Variants in RGS22 observed in about 807,000 individuals in gnomAD.
RGS22 encodes regulator of G protein signaling 22, also known as regulator of G-protein signaling 22.
In RGS22, 148 loss-of-function variants were observed where a neutral mutation model predicts 172.9. The observed-to-expected ratio is 0.86, with a 90% confidence interval of 0.75 to 0.98. The LOEUF (loss-of-function observed/expected upper bound fraction) is 0.98. Among genes scored for constraint, RGS22 ranks in the 50% least tolerant of loss-of-function variants. The pLI is 0.00. For missense variants in RGS22, 1,347 were observed against 1,440.8 expected (o/e 0.93, Z 1.05); for synonymous variants, 458 against 480.2 (o/e 0.95, Z 0.60).
chr8:100,066,837 T>C (rs966207662), intron 6 of RGS22, among the ~76,000 whole-genome samples: 3 of 152,224 alleles, frequency 2.0e-5, no homozygotes, highest in Non-Finnish European at 2.9e-5. Context: ...TTTGCTTAGA[T>C]TGAATGCTTC....
At chr8:99,974,252 T>G (rs1811680568) in intron 23 of RGS22, among the ~76,000 whole-genome samples, 1 of 152,170 alleles carries the variant, frequency 6.6e-6, no homozygotes, top group South Asian at 2.1e-4. Context: ...TTTCATGAAG[T>G]AACCCAAAAG....
intron 23 of RGS22, among the ~76,000 whole-genome samples, chr8:99,968,265 A>C (rs58298312): frequency 0.027 from 4,081 of 152,252 alleles, 169 homozygotes; most frequent in African/African-American, 0.088. Context: ...TAAATCCATG[A>C]AGATGAGGAA....
chr8:100,062,877 A>G lies in RGS22; in HGVS notation c.1353-125T>C, dbSNP rs545534145. 5.7e-5 allele frequency: 43 copies of G among 748,296 alleles called. 1 individual carries two copies. The South Asian group carries it at 6.9e-4, about 12-fold the overall frequency. 46.4% of individuals were successfully genotyped at this position (748,296 alleles called of 1,614,324 possible). On this transcript the variant is annotated intron_variant, in intron 8 of 27. Coordinates refer to ENST00000360863, the MANE Select transcript of RGS22 (RefSeq NM_015668.5). ...GACTTTCCTAAAACAGGGTTCTCTT[A>G]AGGTTCTTCAACTTACAGTAATCTA...
chr8:100,093,120 T>C, intron 3 of RGS22: 1 of 189,656 alleles, frequency 5.3e-6, no homozygotes, highest in Middle Eastern at 2.2e-3. Flanking sequence ...GCCATGATCA[T>C]ACCACTGCAT....
chr8:100,004,135 A>G, intron 16 of RGS22, 37 bp from the exon 17 acceptor site: 2 of 1,540,002 alleles, frequency 1.3e-6, no homozygotes, highest in South Asian at 2.5e-5. Flanking sequence ...AATCTCTTAA[A>G]CACAACAGAT....
At chr8:99,965,259 C>A in intron 24 of RGS22, 76 bp downstream of exon 24, 2 of 940,822 alleles carry the variant, frequency 2.1e-6, no homozygotes, top group South Asian at 2.8e-5. Context: ...TAGTACTGTA[C>A]AATGACTGAG....
At chr8:100,064,916 A>C (rs1318825253) in intron 7 of RGS22, among the ~76,000 whole-genome samples, 1 of 152,180 alleles carries the variant, frequency 6.6e-6, no homozygotes, top group Non-Finnish European at 1.5e-5. Context: ...AAACTTACAA[A>C]ATGGCACGAG....
chr8:100,007,373 C>A (rs925550380), intron 15 of RGS22, among the ~76,000 whole-genome samples: 3 of 152,086 alleles, frequency 2.0e-5, no homozygotes, highest in Admixed American at 6.5e-5. Flanking sequence ...TTGCCTCCAC[C>A]CGTTAATAAA....
chr8:99,992,801 A>T (rs1009870874), intron 20 of RGS22, among the ~76,000 whole-genome samples: 1 of 152,234 alleles, frequency 6.6e-6, no homozygotes, highest in African/African-American at 2.4e-5. Context: ...ACTCCAAATC[A>T]ACAGAATATA....
chr8:100,048,217 T>C (rs1264577339), intron 10 of RGS22, among the ~76,000 whole-genome samples: 6 of 152,126 alleles, frequency 3.9e-5, no homozygotes, highest in Non-Finnish European at 7.4e-5. Context: ...TATACATAAA[T>C]GTAACATTAT....
intron 20 of RGS22, among the ~76,000 whole-genome samples, chr8:99,988,146 A>G (rs1563579524): frequency 6.6e-6 from 1 of 151,490 alleles, no homozygotes; most frequent in Admixed American, 6.6e-5. Context: ...TCCTGAAAAT[A>G]TTATATTTTT....
chr8:100,028,942 T>A (rs1284773312), intron 14 of RGS22, among the ~76,000 whole-genome samples: 1 of 152,178 alleles, frequency 6.6e-6, no homozygotes, highest in East Asian at 1.9e-4. Flanking sequence ...TGTGGTTACA[T>A]TACATAAGAT....
chr8:100,033,014 A>G (rs1440050832), intron 14 of RGS22, among the ~76,000 whole-genome samples: 1 of 152,254 alleles, frequency 6.6e-6, no homozygotes, highest in African/African-American at 2.4e-5. Flanking sequence ...ACACATTTAA[A>G]GCAGTGTATA....
rs185484733 is a variant in RGS22 at position 99,976,423 on chromosome 8, G to A, written c.3519+1494C>T. On this transcript the variant is annotated intron_variant, in intron 23 of 27. Coordinates refer to ENST00000360863, the MANE Select transcript of RGS22 (RefSeq NM_015668.5). ...GTTGCCCAGGCTGGAGTGCAGTGGCGCCATCTCGGCTCACTGCAAGCTCCG... is the reference window on the plus strand; with the variant it reads ...GTTGCCCAGGCTGGAGTGCAGTGGCACCATCTCGGCTCACTGCAAGCTCCG... Among the ~76,000 whole-genome samples, 87 of 152,066 alleles carry A rather than the reference G, an allele frequency of 5.7e-4. 1 individual carries two copies. In the East Asian group the frequency reaches 0.013, roughly 22 times the overall value.
At position 100,105,971 on chromosome 8, in the gene RGS22, AGC is replaced by A. The variant is rs1462290733; in HGVS notation, c.-52_-51del. On this transcript the variant is annotated 5_prime_UTR_variant, in exon 1 of 28. Coordinates refer to ENST00000360863, the MANE Select transcript of RGS22 (RefSeq NM_015668.5). ...AGCCCGCGCGGGCCGTCAGGGCCCT[AGC>A]GCGCGGGTCCAGCGCGGGTCAGGGC... 7.3e-6 allele frequency: 10 copies of A among 1,376,688 alleles called. No homozygotes were observed. The Admixed American group carries it at 1.1e-4, about 16-fold the overall frequency. The allele number at this position is 1,376,688 out of a possible 1,614,324, so 85.3% of individuals were successfully genotyped here.
chr8:100,029,504 C>CCT lies in RGS22; in HGVS notation c.2166+9426_2166+9427insAG, dbSNP rs1298374104. 3.9e-5 allele frequency among the ~76,000 whole-genome samples: 6 copies of CCT among 151,952 alleles called. No homozygotes were observed. In the East Asian group the frequency reaches 5.8e-4, roughly 15 times the overall value. On this transcript the variant is annotated intron_variant, in intron 14 of 27. Transcript: ENST00000360863. ...ATCATCTGAGGTCAGGAGTTCAAGA[C>CCT]CAGCCTGACCAGCATGGTGAAACCC...
Position 100,105,364 on chromosome 8 carries a change from T to C in RGS22, c.54+10A>G, listed in dbSNP as rs1385751173. On this transcript the variant is annotated intron_variant, in intron 2 of 27. Coordinates refer to ENST00000360863, the MANE Select transcript of RGS22 (RefSeq NM_015668.5). ...CAAAGAAAAAAATAGCCCCTTGAAA[T>C]GATACTTACAAATTCTTCTTCTGTA... 1 of 1,604,046 alleles carries C rather than the reference T, an allele frequency of 6.2e-7. No individual in the cohort carries two copies. The highest frequency in any genetic ancestry group is 1.3e-5 in the African/African-American group (1 of 74,792).
At chr8:100,100,712 C>T (rs1354687518) in intron 2 of RGS22, among the ~76,000 whole-genome samples, 1 of 152,082 alleles carries the variant, frequency 6.6e-6, no homozygotes. Flanking sequence ...TTGGGAAATA[C>T]CCTATGTTTA....
At chr8:100,063,368 T>C (rs764686108) in intron 8 of RGS22, 48 bp downstream of exon 8, 7 of 1,347,014 alleles carry the variant, frequency 5.2e-6, no homozygotes, top group African/African-American at 4.5e-5. Flanking sequence ...CAAATTAATA[T>C]TCATAATTTG....
Sources: gnomAD v4.1 joint callset for allele counts (sites outside exome capture counted in the v4.1 genomes callset) on GRCh38, gnomAD v4.1.1 for gene constraint, MANE v1.5 for transcripts, NCBI Gene and HGNC (gene_info 2026-07-23, HGNC 2026-07-21) for gene names.